The following HDAC9 variants were observed in gnomAD, a reference collection of about 807,000 sequenced individuals.
The protein encoded by HDAC9 is MEF-2 interacting transcription repressor (MITR) protein.
A neutral mutation model predicts 139.4 loss-of-function variants in HDAC9; 41 were observed. The ratio of observed to expected loss-of-function variants is 0.29; its 90% CI spans 0.23 to 0.38. The LOEUF (loss-of-function observed/expected upper bound fraction) is 0.38. Among genes scored for constraint, HDAC9 ranks in the 10% least tolerant of loss-of-function variants. HDAC9 has a pLI of 1.00. For synonymous variants in HDAC9, 517 were observed against 476.2 expected (o/e 1.09, Z -1.12); for missense variants, 1,147 against 1,297.0 (o/e 0.88, Z 1.78).
At chr7:18,377,890 T>C (rs1407063032) in intron 1 of HDAC9, among the ~76,000 whole-genome samples, 1 of 152,196 alleles carries the variant, frequency 6.6e-6, no homozygotes, top group Non-Finnish European at 1.5e-5. Context: ...AAAGTAGACA[T>C]TTGGTCCTGT....
At chr7:18,246,148 GA>G (rs1000768824) in intron 2 of HDAC9, among the ~76,000 whole-genome samples, 6 of 147,466 alleles carry the variant, frequency 4.1e-5, no homozygotes, top group African/African-American at 1.5e-4. Context: ...GATATTATGG[GA>G]AAAAGAAGGG....
chr7:18,732,983 A>G (rs1406374802), intron 13 of HDAC9, among the ~76,000 whole-genome samples: 3 of 143,376 alleles, frequency 2.1e-5, no homozygotes, highest in East Asian at 4.2e-4. Context: ...ACACATGTGT[A>G]TGTGTGTGTA....
chr7:18,337,488 A>T (rs930258395), intron 1 of HDAC9, among the ~76,000 whole-genome samples: 2 of 151,740 alleles, frequency 1.3e-5, no homozygotes, highest in Admixed American at 1.3e-4. Context: ...ATTTTTACAG[A>T]GTAACTTTGT....
intron 15 of HDAC9, 32 bp downstream of exon 15, chr7:18,762,309 G>A: frequency 6.2e-7 from 1 of 1,606,342 alleles, no homozygotes; most frequent in Non-Finnish European, 8.5e-7. Context: ...ACTGGGAACA[G>A]CACATTCCAG....
At chr7:18,202,990 A>C (rs995000809) in intron 2 of HDAC9, among the ~76,000 whole-genome samples, 6 of 152,214 alleles carry the variant, frequency 3.9e-5, no homozygotes, top group Admixed American at 3.3e-4. Flanking sequence ...ATATATGTAA[A>C]GCAGTTTAAA....
intron 12 of HDAC9, among the ~76,000 whole-genome samples, chr7:18,707,357 G>A (rs191287762): frequency 7.9e-5 from 12 of 152,328 alleles, no homozygotes; most frequent in African/African-American, 2.9e-4. Context: ...GTCCTAAGCA[G>A]AGAAGTCAAT....
intron 21 of HDAC9, among the ~76,000 whole-genome samples, chr7:18,858,448 T>C (rs1797854946): frequency 6.6e-6 from 1 of 152,076 alleles, no homozygotes; most frequent in Admixed American, 6.6e-5. Flanking sequence ...TCATGAGAAC[T>C]CAATATCACA....
chr7:18,891,565 C>T (rs575148562), intron 22 of HDAC9, among the ~76,000 whole-genome samples: 37 of 152,254 alleles, frequency 2.4e-4, no homozygotes, highest in African/African-American at 8.7e-4. Flanking sequence ...CTAGTAAGTA[C>T]CAGGCCAAAG....
intron 2 of HDAC9, among the ~76,000 whole-genome samples, chr7:18,577,319 C>T (rs527972047): frequency 6.6e-6 from 1 of 152,176 alleles, no homozygotes; most frequent in Non-Finnish European, 1.5e-5. Flanking sequence ...TTTGCAGTTT[C>T]CTTTTTCTTT....
intron 1 of HDAC9, among the ~76,000 whole-genome samples, chr7:18,116,349 T>A (rs982810824): frequency 2.0e-5 from 3 of 152,198 alleles, no homozygotes; most frequent in African/African-American, 7.2e-5. Context: ...TGCTAAAATT[T>A]TTTGAAAAGG....
intron 1 of HDAC9, among the ~76,000 whole-genome samples, chr7:18,483,167 G>A (rs1236322782): frequency 6.6e-6 from 1 of 152,182 alleles, no homozygotes; most frequent in African/African-American, 2.4e-5. Flanking sequence ...ATGTGCTTAA[G>A]TTGGGGCAAG....
At chr7:18,544,104 A>G (rs1157700512) in intron 2 of HDAC9, among the ~76,000 whole-genome samples, 2 of 152,228 alleles carry the variant, frequency 1.3e-5, no homozygotes, top group Admixed American at 6.5e-5. Context: ...AAGGGATTGT[A>G]GGACCCAAAG....
chr7:18,983,489 C>G (rs919789004), intron 25 of HDAC9, among the ~76,000 whole-genome samples: 1 of 152,064 alleles, frequency 6.6e-6, no homozygotes, highest in Admixed American at 6.6e-5. Context: ...ATTTCTGGAT[C>G]ATATGGAAAT....
At chr7:18,866,475 C>G (rs1397564189) in intron 21 of HDAC9, among the ~76,000 whole-genome samples, 1 of 152,082 alleles carries the variant, frequency 6.6e-6, no homozygotes, top group Non-Finnish European at 1.5e-5. Context: ...TTGTTGGTTG[C>G]CCGCTCTCCT....
chr7:18,408,549 A>G (rs142092819), intron 1 of HDAC9, among the ~76,000 whole-genome samples: 3 of 152,282 alleles, frequency 2.0e-5, no homozygotes, highest in African/African-American at 4.8e-5. Flanking sequence ...AAAATAACCA[A>G]TTTCTTAATA....
rs536048588 is a variant in HDAC9 at position 18,293,152 on chromosome 7, G to C, written c.-42+2637G>C. Among the ~76,000 whole-genome samples the C allele has an allele frequency of 3.0e-4, 45 of 152,128 alleles. 1 individual carries two copies. In the South Asian group the frequency reaches 8.7e-3, roughly 29 times the overall value. On this transcript the variant is annotated intron_variant, in intron 1 of 3. Transcript: ENST00000413509. ...TTGGCTACAGTACTTTTGTCATCTT[G>C]ACAGAATCAGCCAAGCTTTACCTAT...
intron 1 of HDAC9, among the ~76,000 whole-genome samples, chr7:18,115,584 G>A (rs1270571764): frequency 2.6e-5 from 4 of 152,154 alleles, no homozygotes; most frequent in African/African-American, 4.8e-5. Flanking sequence ...CCTTGAGGGA[G>A]TTACTATTAT....
intron 13 of HDAC9, among the ~76,000 whole-genome samples, chr7:18,732,212 G>C (rs899131212): frequency 3.3e-5 from 5 of 152,084 alleles, no homozygotes; most frequent in Admixed American, 1.3e-4. Flanking sequence ...TTATACTTTT[G>C]AGAATTATAA....
intron 2 of HDAC9, among the ~76,000 whole-genome samples, chr7:18,204,017 A>C (rs1297420361): frequency 6.6e-6 from 1 of 152,212 alleles, no homozygotes; most frequent in Non-Finnish European, 1.5e-5. Context: ...GTGAATGTAA[A>C]CAAACAAAAG....
Sources: allele counts gnomAD v4.1 joint callset (sites outside exome capture counted in the v4.1 genomes callset), GRCh38; gene constraint gnomAD v4.1.1; transcripts MANE v1.5; gene names NCBI Gene and HGNC (gene_info 2026-07-23, HGNC 2026-07-21).